ZNF329: variants seen among roughly 807,000 people sequenced by gnomAD.
ZNF329 encodes zinc finger protein 329.
ZNF329 carries 15 observed loss-of-function variants against 26.6 expected under a neutral mutation model. The observed-to-expected ratio is 0.56, with a 90% CI of 0.38 to 0.87. The LOEUF is 0.87. Among genes scored for constraint, ZNF329 ranks in the 40% least tolerant of loss-of-function variants. ZNF329 has a pLI of 0.00. For synonymous variants in ZNF329, 239 were observed against 233.5 expected (o/e 1.02, Z -0.21); for missense variants, 651 against 651.9 (o/e 1.00, Z 0.02).
chr19:58,146,944 C>T (rs1004573408), intron 1 of ZNF329, among the ~76,000 whole-genome samples: 6 of 152,130 alleles, frequency 3.9e-5, no homozygotes, highest in Non-Finnish European at 5.9e-5. Context: ...CCCAAAGTGC[C>T]GAGAGTGCAG....
intron 2 of ZNF329, among the ~76,000 whole-genome samples, 169 bp from the exon 3 acceptor site, chr19:58,142,830 C>T (rs140214515): frequency 0.022 from 3,292 of 152,286 alleles, 99 homozygotes; most frequent in Admixed American, 0.072. Flanking sequence ...CAAGCCCCAA[C>T]CCCTTTCTCC....
At chr19:58,136,581 G>A (rs1463147824) in intron 3 of ZNF329, 1 of 149,558 alleles carries the variant, frequency 6.7e-6, no homozygotes, top group East Asian at 2.0e-4. Flanking sequence ...GGGAAGCTGA[G>A]GCAGGAATAT....
intron 3 of ZNF329, among the ~76,000 whole-genome samples, chr19:58,140,417 T>TC (rs1555808908): frequency 2.7e-5 from 4 of 149,536 alleles, no homozygotes; most frequent in South Asian, 2.1e-4. Flanking sequence ...ACTCTTTCTT[T>TC]TTTTTTTTTT....
At chr19:58,140,097 G>C (rs1400761387) in intron 3 of ZNF329, among the ~76,000 whole-genome samples, 2 of 152,108 alleles carry the variant, frequency 1.3e-5, no homozygotes, top group African/African-American at 4.8e-5. Flanking sequence ...GTGGTGCTGG[G>C]GCATGCAGCC....
At position 58,129,033 on chromosome 19, in the gene ZNF329, A is replaced by T. The variant is rs1435251748; in HGVS notation, c.471T>A (p.Asn157Lys). The change falls in exon 4 of 4, where the codon AAT becomes AAA. Residue 157 changes from asparagine (N) to lysine (K), a missense_variant. Physicochemically the swap from Asn to Lys is moderately conservative, Grantham distance 94. Coordinates refer to ENST00000598312, the MANE Select transcript of ZNF329 (RefSeq NM_024620.4). Reference protein sequence around the residue: ...YKYPESVKSFNHFTSLGHQKI... With the variant: ...YKYPESVKSFKHFTSLGHQKI... ...TCTGATGACCAAGAGAGGTAAAATG[A>T]TTAAAAGACTTAACACTTTCAGGGT... 2 of 1,614,024 alleles carry T rather than the reference A, an allele frequency of 1.2e-6. No individual in the cohort carries two copies. The highest frequency in any genetic ancestry group is 4.5e-5 in the East Asian group (2 of 44,888).
In ZNF329 at chr19:58,129,530, T is replaced by C. The variant is rs778476539; in HGVS notation, c.-8-19A>G. 2 of 1,557,266 alleles carry C rather than the reference T, an allele frequency of 1.3e-6. No individual in the cohort carries two copies. The highest frequency in any genetic ancestry group is 8.7e-7 in the Non-Finnish European group (1 of 1,152,822). ...TCCCAAACTGCAAAAAGAAGAAAAA[T>C]GCAGACTTAGGTATATGAAGCTTTA... On this transcript the variant is annotated intron_variant, in intron 3 of 3. Transcript: ENST00000598312.
chr19:58,128,859 G>A lies in ZNF329; in HGVS notation c.645C>T (p.Asn215=). 1 of 1,612,850 alleles carries A rather than the reference G, an allele frequency of 6.2e-7. No homozygotes were observed. Among genetic ancestry groups the A allele is most frequent in the Non-Finnish European group, 8.5e-7 (1 of 1,179,618 alleles). Residue 215 remains asparagine (N), a synonymous_variant, in exon 4 of 4, where the codon AAC becomes AAT. Transcript: ENST00000598312. ...CTECGKCFKR[N]SSLVLHHRTH... ...TTCGGTGATGCAAAACAAGAGAAGA[G>A]TTCCGTTTGAAGCATTTGCCACATT...
intron 3 of ZNF329, among the ~76,000 whole-genome samples, chr19:58,130,209 G>C (rs932702845): frequency 3.9e-5 from 6 of 152,160 alleles, no homozygotes; most frequent in Non-Finnish European, 8.8e-5. Flanking sequence ...TGTAGTCCCA[G>C]CTACTCTGGA....
intron 1 of ZNF329, among the ~76,000 whole-genome samples, chr19:58,147,765 A>C (rs2075357526): frequency 2.6e-5 from 1 of 38,384 alleles, no homozygotes; most frequent in Non-Finnish European, 4.7e-5. Flanking sequence ...TCCGGGAGGG[A>C]GGTGGGGGGG....
At chr19:58,137,906 G>A (rs2075108284) in intron 3 of ZNF329, among the ~76,000 whole-genome samples, 1 of 151,960 alleles carries the variant, frequency 6.6e-6, no homozygotes, top group South Asian at 2.1e-4. Flanking sequence ...TTGAGCCTGG[G>A]GGTCAGAGGT....
intron 1 of ZNF329, among the ~76,000 whole-genome samples, chr19:58,143,647 A>G (rs1308171426): frequency 6.6e-6 from 1 of 152,214 alleles, no homozygotes; most frequent in Non-Finnish European, 1.5e-5. Context: ...AGGTGGCCTC[A>G]CACATTAGCA....
chr19:58,143,889 T>C (rs2075240554), intron 1 of ZNF329, among the ~76,000 whole-genome samples: 1 of 152,038 alleles, frequency 6.6e-6, no homozygotes, highest in Admixed American at 6.6e-5. Context: ...GAGACCAGCC[T>C]GGCCAACATA....
In ZNF329 at chr19:58,128,157, A is replaced by G. The variant is rs749745121; in HGVS notation, c.1347T>C (p.His449=). The G allele has an allele frequency of 4.4e-6, 7 of 1,584,268 alleles. No homozygotes were observed. Among genetic ancestry groups the G allele is most frequent in the Admixed American group, 3.6e-5 (2 of 56,124 alleles). The part of the protein sequence containing the change: ...IAGLIRHQRT[H]TGEKPYECNQ... Reference sequence around the variant, plus strand: ...TACACTCATAGGGCTTCTCACCAGTATGAGTCCTCTGGTGCCTAATGAGGC... The same window carrying G: ...TACACTCATAGGGCTTCTCACCAGTGTGAGTCCTCTGGTGCCTAATGAGGC... The change falls in exon 4 of 4, where the codon CAT becomes CAC. Residue 449 remains histidine (H), a synonymous_variant. Coordinates refer to ENST00000598312, the MANE Select transcript of ZNF329 (RefSeq NM_024620.4).
intron 1 of ZNF329, among the ~76,000 whole-genome samples, chr19:58,150,361 G>GCT (rs2075421993): frequency 1.3e-5 from 2 of 152,236 alleles, no homozygotes; most frequent in African/African-American, 2.4e-5. Flanking sequence ...TGACAGAAAA[G>GCT]CTGCAGACTC....
upstream of ZNF329, among the ~76,000 whole-genome samples, chr19:58,152,834 G>A (rs2075481787): frequency 6.6e-6 from 1 of 151,894 alleles, no homozygotes; most frequent in Non-Finnish European, 1.5e-5. Context: ...TCCAGCCTGG[G>A]TGACAGCTAT....
intron 3 of ZNF329, among the ~76,000 whole-genome samples, chr19:58,141,355 G>A (rs901587600): frequency 2.0e-5 from 3 of 151,790 alleles, no homozygotes; most frequent in African/African-American, 7.3e-5. Context: ...CTGAAGTGCA[G>A]TGGAGCGATC....
intron 3 of ZNF329, among the ~76,000 whole-genome samples, chr19:58,132,043 GA>G (rs899619092): frequency 4.1e-5 from 6 of 147,926 alleles, no homozygotes; most frequent in African/African-American, 1.5e-4. Flanking sequence ...AAAAAAGAAA[GA>G]AAAAAAAGAA....
At chr19:58,154,195 G>C (rs1174904134), upstream of ZNF329, among the ~76,000 whole-genome samples, 1 of 152,134 alleles carries the variant, frequency 6.6e-6, no homozygotes, top group Non-Finnish European at 1.5e-5. Context: ...TTTTAGTAGA[G>C]ACGGGGTTTC....
intron 3 of ZNF329, among the ~76,000 whole-genome samples, chr19:58,133,288 TAA>T (rs2074989261): frequency 6.6e-6 from 1 of 152,196 alleles, no homozygotes; most frequent in Admixed American, 6.5e-5. Flanking sequence ...AAAGGTGAGA[TAA>T]AGACTGTTTC....
Sources: gnomAD v4.1 joint callset for allele counts (sites outside exome capture counted in the v4.1 genomes callset) on GRCh38, gnomAD v4.1.1 for gene constraint, MANE v1.5 for transcripts, NCBI Gene and HGNC (gene_info 2026-07-23, HGNC 2026-07-21) for gene names.